Variants in RFC5 observed in about 807,000 individuals in gnomAD.
RFC5 encodes A1 36 kDa subunit.
A neutral mutation model predicts 44.3 loss-of-function variants in RFC5; 26 were observed. That is an observed-to-expected ratio of 0.59 (90% CI 0.43 to 0.81). RFC5 has a LOEUF of 0.81. RFC5 is among the 40% of genes least tolerant of loss of function. The pLI, the probability that RFC5 is intolerant of heterozygous loss-of-function variation, is 0.00. For missense variants in RFC5, 328 were observed against 418.6 expected (o/e 0.78, Z 1.89); for synonymous variants, 155 against 155.2 (o/e 1.00, Z 0.01).
chr12:118,039,790 T>C, the RFC5 span, among the ~76,000 whole-genome samples: 109 of 151,810 alleles, frequency 7.2e-4, no homozygotes, highest in Non-Finnish European at 1.4e-3. Flanking sequence ...GTTGCCTAGG[T>C]GGGAGTGCAA....
chr12:118,025,900 G>C, intron 7 of RFC5, 72 bp downstream of exon 7: 1 of 916,184 alleles, frequency 1.1e-6, no homozygotes, highest in South Asian at 1.4e-5. Flanking sequence ...TCAGGCTGGA[G>C]TGCAGCAACA....
intron 6 of RFC5, 31 bp from the exon 7 acceptor site, chr12:118,025,716 C>T: frequency 7.4e-7 from 1 of 1,351,412 alleles, no homozygotes; most frequent in Non-Finnish European, 1.1e-6. Flanking sequence ...CTCAGGGGGC[C>T]TCATAAATCC....
chr12:118,031,281 G>C lies in RFC5; in HGVS notation c.*3G>C. The C allele has an allele frequency of 1.3e-6, 2 of 1,586,322 alleles. No homozygotes were observed. Among genetic ancestry groups the C allele is most frequent in the Non-Finnish European group, 1.7e-6 (2 of 1,155,310 alleles). ...ACCTGATTGTTGCAGAGGCCTAGAT[G>C]CTCTGAGGGCCATTCACAATTCTCA... On this transcript the variant is annotated 3_prime_UTR_variant, in exon 11 of 11. Transcript: ENST00000454402.
the RFC5 span, among the ~76,000 whole-genome samples, chr12:118,041,281 A>C: frequency 1.3e-5 from 2 of 152,148 alleles, no homozygotes; most frequent in African/African-American, 4.8e-5. Flanking sequence ...TGCCCTTAGA[A>C]GAAGAGACAT....
At chr12:118,038,410 C>G in the RFC5 span, 2 of 1,610,242 alleles carry the variant, frequency 1.2e-6, no homozygotes, top group Non-Finnish European at 1.7e-6. Flanking sequence ...AAGAAGCAAA[C>G]AATGAGCCAG....
chr12:118,039,754 A>AT, the RFC5 span, among the ~76,000 whole-genome samples: 44 of 150,826 alleles, frequency 2.9e-4, 1 homozygote, highest in Non-Finnish European at 5.5e-4. Context: ...ATTTTTTTTT[A>AT]TTTTTTTGAG....
At chr12:118,036,124 C>G, downstream of RFC5, 1 of 442,292 alleles carries the variant, frequency 2.3e-6, no homozygotes, top group Non-Finnish European at 4.0e-6. Flanking sequence ...ATCGCTTGAA[C>G]CCGGGAGGTG....
At chr12:118,037,160 C>T (rs575498848), downstream of RFC5, among the ~76,000 whole-genome samples, 14 of 152,040 alleles carry the variant, frequency 9.2e-5, no homozygotes, top group East Asian at 1.4e-3. Flanking sequence ...CCAGCTTGGG[C>T]GAAAGAGTAA....
chr12:118,029,640 T>C, intron 9 of RFC5, 131 bp from the exon 10 acceptor site: 1 of 762,320 alleles, frequency 1.3e-6, no homozygotes, highest in Admixed American at 1.8e-5. Flanking sequence ...AGAGGTCTGG[T>C]ATCTAGTGAG....
chr12:118,033,254 AACAGCAGAG>A (rs771777990), downstream of RFC5: 5 of 152,540 alleles, frequency 3.3e-5, no homozygotes, highest in African/African-American at 4.8e-5. Flanking sequence ...AATGAAGTTA[AACAGCAGAG>A]ACAGATCTCG....
chr12:118,026,802 C>A (rs1426352483), intron 7 of RFC5, 87 bp from the exon 8 acceptor site: 13 of 1,481,902 alleles, frequency 8.8e-6, no homozygotes, highest in Non-Finnish European at 9.2e-6. Flanking sequence ...TGCATTGCTG[C>A]CTTGGCAATT....
intron 10 of RFC5, 37 bp from the exon 11 acceptor site, chr12:118,031,145 G>T (rs765940264): frequency 1.4e-6 from 2 of 1,437,870 alleles, no homozygotes; most frequent in Admixed American, 1.7e-5. Context: ...GCTGTGTTTG[G>T]TGTCTTTTTT....
At chr12:118,038,432 G>T in the RFC5 span, 1 of 1,582,436 alleles carries the variant, frequency 6.3e-7, no homozygotes, top group Non-Finnish European at 8.7e-7. Flanking sequence ...CCTCAACAAA[G>T]CAGGAAGACT....
intron 4 of RFC5, among the ~76,000 whole-genome samples, 176 bp downstream of exon 4, chr12:118,021,161 G>A (rs1486492620): frequency 6.6e-6 from 1 of 152,012 alleles, no homozygotes; most frequent in Non-Finnish European, 1.5e-5. Context: ...GCGTTATAAT[G>A]CAACTGTTAA....
downstream of RFC5, chr12:118,035,422 A>G (rs930556851): frequency 9.7e-7 from 1 of 1,032,206 alleles, no homozygotes; most frequent in African/African-American, 1.6e-5. Context: ...CCTGGCTACA[A>G]AAGGGCTCAA....
chr12:118,024,770 A>C, intron 5 of RFC5, 81 bp from the exon 6 acceptor site: 1 of 1,223,284 alleles, frequency 8.2e-7, no homozygotes. Flanking sequence ...CCTTGTGACC[A>C]CAGAAAAATT....
the RFC5 span, among the ~76,000 whole-genome samples, chr12:118,040,268 G>A: frequency 4.6e-5 from 7 of 152,070 alleles, no homozygotes; most frequent in African/African-American, 7.2e-5. Flanking sequence ...GTGGGGCAGC[G>A]CCTGTCAGCT....
chr12:118,037,124 G>A (rs1210244639), downstream of RFC5, among the ~76,000 whole-genome samples: 2 of 152,158 alleles, frequency 1.3e-5, no homozygotes, highest in African/African-American at 2.4e-5. Flanking sequence ...GGAGGTTGCA[G>A]TGACCTGAGA....
chr12:118,038,133 T>C, the RFC5 span: 1 of 588,528 alleles, frequency 1.7e-6, no homozygotes, highest in Non-Finnish European at 2.8e-6. Flanking sequence ...AAAGTGCAAG[T>C]CACAAGGGAC....
Sources: allele counts gnomAD v4.1 joint callset (sites outside exome capture counted in the v4.1 genomes callset), GRCh38; gene constraint gnomAD v4.1.1; transcripts MANE v1.5; gene names NCBI Gene and HGNC (gene_info 2026-07-23, HGNC 2026-07-21).